Variants in TUBGCP2 observed in about 807,000 individuals in gnomAD.
TUBGCP2 encodes tubulin gamma complex component 2, also known as gamma-tubulin complex component 2.
In TUBGCP2, 55 loss-of-function variants were observed where a neutral mutation model predicts 92.2. The observed-to-expected ratio is 0.60, with a 90% CI of 0.48 to 0.75. The LOEUF (loss-of-function observed/expected upper bound fraction) is 0.75. Among genes scored for constraint, TUBGCP2 ranks in the 30% least tolerant of loss-of-function variants. The probability of loss-of-function intolerance (pLI) is 0.00; values close to 1 mark genes in which losing one functional copy is unlikely to be tolerated. For missense variants in TUBGCP2, 1,093 were observed against 1,188.9 expected, an observed-to-expected ratio of 0.92 and a Z score of 1.19; for synonymous variants, 533 against 505.2, an observed-to-expected ratio of 1.06 and a Z score of -0.74.
At chr10:133,310,370 A>T, upstream of TUBGCP2, 2 of 1,557,164 alleles carry the variant, frequency 1.3e-6, no homozygotes, top group Non-Finnish European at 1.7e-6. Context: ...ATAGACGGTC[A>T]GACTTATTAA....
At position 133,287,147 on chromosome 10, in the gene TUBGCP2, A is replaced by G. The variant is rs138134031; in HGVS notation, c.1722+982T>C. Among the ~76,000 whole-genome samples the G allele has an allele frequency of 2.2e-3, 340 of 152,382 alleles. 3 individuals are homozygous for G. The highest frequency in any genetic ancestry group is 0.02 in the Middle Eastern group (6 of 294). The stretch of plus-strand genomic sequence containing the variant: ...TACTAATCTTACAGAAATAAAAAGC[A>G]GATACTAGAAACCCATGAACTGTGC... On this transcript the variant is annotated intron_variant, in intron 11 of 17. Transcript: ENST00000252936.
At chr10:133,305,701 G>A (rs1224928841) in intron 1 of TUBGCP2, among the ~76,000 whole-genome samples, 1 of 152,114 alleles carries the variant, frequency 6.6e-6, no homozygotes, top group Non-Finnish European at 1.5e-5. Context: ...TGTGATGGAA[G>A]ACAGTTTATC....
At chr10:133,291,881 G>GTCGT (rs1589828156) in intron 8 of TUBGCP2, among the ~76,000 whole-genome samples, 1 of 30,174 alleles carries the variant, frequency 3.3e-5, no homozygotes, top group Admixed American at 3.6e-4. Context: ...ACCTGTACGG[G>GTCGT]AGAGGGCAGC....
chr10:133,280,430 T>A (rs552932342), intron 17 of TUBGCP2, among the ~76,000 whole-genome samples: 16 of 152,190 alleles, frequency 1.1e-4, no homozygotes, highest in Non-Finnish European at 2.1e-4. Context: ...AATAGGCACC[T>A]TCCCAAGGAC....
At chr10:133,297,381 G>C (rs896474076) in intron 5 of TUBGCP2, 10 of 448,560 alleles carry the variant, frequency 2.2e-5, no homozygotes, top group Admixed American at 4.9e-5. Context: ...CTGGGCGACA[G>C]AGCGAGATTC....
At chr10:133,292,817 T>A in intron 7 of TUBGCP2, 129 bp from the exon 8 acceptor site, 1 of 1,232,974 alleles carries the variant, frequency 8.1e-7, no homozygotes, top group Non-Finnish European at 1.1e-6. Flanking sequence ...TTGGGATACG[T>A]ATTAACTGTA....
chr10:133,306,036 C>A (rs907961879), intron 1 of TUBGCP2, among the ~76,000 whole-genome samples: 1 of 152,212 alleles, frequency 6.6e-6, no homozygotes, highest in African/African-American at 2.4e-5. Context: ...CACAGAAGGG[C>A]CCATACGTGG....
intron 1 of TUBGCP2, among the ~76,000 whole-genome samples, chr10:133,306,976 C>T (rs879671170): frequency 4.6e-5 from 7 of 152,112 alleles, no homozygotes; most frequent in Non-Finnish European, 8.8e-5. Context: ...CCCCAGAAGA[C>T]CTTTGGAAAA....
In TUBGCP2 at chr10:133,278,885, GACA is replaced by G. The variant is rs894871081; in HGVS notation, c.*878_*880del. 3.3e-5 allele frequency: 5 copies of G among 152,402 alleles called. No individual in the cohort carries two copies. The highest frequency in any genetic ancestry group is 1.9e-4 in the East Asian group (1 of 5,198). The allele number at this position is 152,402 out of a possible 1,614,324, so 9.4% of individuals were successfully genotyped here. On this transcript the variant is annotated 3_prime_UTR_variant, in exon 18 of 18. Transcript: ENST00000252936. ...GGCCGAGGTGCTGAGAGCTGAAGGT[GACA>G]ACAATACACATGCAGGTCAGCAGGA...
chr10:133,309,536 C>T (rs1259842264), upstream of TUBGCP2: 2 of 1,518,596 alleles, frequency 1.3e-6, no homozygotes, highest in African/African-American at 2.8e-5. Context: ...GTCCCTGGGG[C>T]TGTGCTGCCG....
intron 2 of TUBGCP2, chr10:133,301,700 CTTTTTTTTTTTTTTTTTT>C (rs71016439): frequency 8.3e-4 from 72 of 87,260 alleles, no homozygotes; most frequent in African/African-American, 3.1e-3. Context: ...CAGTCCCTCC[CTTTTTTTTTTTTTTTTTT>C]TTTTTTTTTT....
chr10:133,301,639 T>C (rs1457527054), intron 2 of TUBGCP2: 6 of 151,840 alleles, frequency 4.0e-5, no homozygotes, highest in African/African-American at 1.2e-4. Context: ...GAATTACATA[T>C]TATCTGAATA....
At chr10:133,311,598 A>G, upstream of TUBGCP2, 1 of 875,848 alleles carries the variant, frequency 1.1e-6, no homozygotes, top group East Asian at 2.5e-5. Context: ...ATGCCAAAAT[A>G]GTAAGAAAAT....
rs1050660264 is a variant in TUBGCP2, at chr10:133,279,155, C to G, written c.*611G>C. The G allele has an allele frequency of 6.6e-6, 1 of 152,522 alleles. No homozygotes were observed. The highest frequency in any genetic ancestry group is 1.9e-4 in the East Asian group (1 of 5,202). The allele number at this position is 152,522 out of a possible 1,614,324, so 9.4% of individuals were successfully genotyped here. A position where few individuals can be genotyped will look rare whatever the true frequency, so the allele number is the denominator to read the frequency against. On this transcript the variant is annotated 3_prime_UTR_variant, in exon 18 of 18. Transcript: ENST00000252936. ...CCAGCCAGCAGCAGAGCCTGCCCCTCGACCCACTCCCACGGAGGGGGAGGT... is the reference window on the plus strand; with the variant it reads ...CCAGCCAGCAGCAGAGCCTGCCCCTGGACCCACTCCCACGGAGGGGGAGGT...
chr10:133,279,497 C>T lies in TUBGCP2; in HGVS notation c.*269G>A. 2.0e-6 allele frequency: 1 copy of T among 491,528 alleles called. No individual in the cohort carries two copies. The highest frequency in any genetic ancestry group is 3.5e-6 in the Non-Finnish European group (1 of 284,338). 30.4% of individuals were successfully genotyped at this position (491,528 alleles called of 1,614,324 possible). A position where few individuals can be genotyped will look rare whatever the true frequency, so the allele number is the denominator to read the frequency against. ...TCCTGGCTTAAACACCATGTATTTC[C>T]ACTTTGAGGCCAAAAACACCCAAAA... is the stretch of plus-strand genomic sequence containing the variant. On this transcript the variant is annotated 3_prime_UTR_variant, in exon 18 of 18. Coordinates refer to ENST00000252936, the MANE Select transcript of TUBGCP2 (RefSeq NM_006659.4).
At chr10:133,286,128 C>T (rs1365551813) in intron 11 of TUBGCP2, among the ~76,000 whole-genome samples, 2 of 152,062 alleles carry the variant, frequency 1.3e-5, no homozygotes, top group African/African-American at 4.8e-5. Context: ...AAATGAAGGG[C>T]AGGGGATAAA....
At position 133,285,246 on chromosome 10, in the gene TUBGCP2, C is replaced by G; in HGVS notation, c.1896-33G>C. ...AGACGTGGCGGCACCTCAGGTGGGCCTCCGTGACCGGCGGCGTCGTGGACA... is the reference window on the plus strand; with the variant it reads ...AGACGTGGCGGCACCTCAGGTGGGCGTCCGTGACCGGCGGCGTCGTGGACA... On this transcript the variant is annotated intron_variant, in intron 12 of 17. Transcript: ENST00000252936. The surrounding 1 kb of genome is among the most constrained non-coding windows in gnomAD (Gnocchi z 6.8). The G allele has an allele frequency of 6.2e-7, 1 of 1,609,346 alleles. No individual in the cohort carries two copies.
At position 133,308,852 on chromosome 10, in the gene TUBGCP2, GC is replaced by G; in HGVS notation, c.-70del. 3 of 1,111,568 alleles carry G rather than the reference GC, an allele frequency of 2.7e-6. No individual in the cohort carries two copies. Among genetic ancestry groups the G allele is most frequent in the Non-Finnish European group, 3.4e-6 (3 of 888,864 alleles). The allele number at this position is 1,111,568 out of a possible 1,614,324, so 68.9% of individuals were successfully genotyped here. A position where few individuals can be genotyped will look rare whatever the true frequency, so the allele number is the denominator to read the frequency against. Reference sequence around the variant, plus strand: ...GTCCCGGAGCCACAGCCCCCGCGCAGCCCCCGACGGCGGCGGAAGTGAGCGT... The same window carrying G: ...GTCCCGGAGCCACAGCCCCCGCGCAGCCCCGACGGCGGCGGAAGTGAGCGT... On this transcript the variant is annotated 5_prime_UTR_variant, in exon 1 of 18. Transcript: ENST00000252936.
Position 133,293,246 on chromosome 10 carries a change from A to T in TUBGCP2, c.825-8T>A. 1 of 1,612,356 alleles carries T rather than the reference A, an allele frequency of 6.2e-7. No homozygotes were observed. On this transcript the variant is annotated splice_polypyrimidine_tract_variant and splice_region_variant and intron_variant, in intron 6 of 17. Transcript: ENST00000252936. ...GACTTCTCTTCAATGAACCTGGAAG[A>T]AAAGCTGTCAGACTTCCTCAAAAAG...
Sources: gnomAD v4.1 joint callset for allele counts (sites outside exome capture counted in the v4.1 genomes callset) on GRCh38, gnomAD v4.1.1 for gene constraint, Gnocchi (gnomAD v3.1) non-coding constraint, MANE v1.5 for transcripts, NCBI Gene and HGNC (gene_info 2026-07-23, HGNC 2026-07-21) for gene names.